ERC2: variants seen among roughly 807,000 people sequenced by gnomAD.
ERC2 encodes the protein ELKS/RAB6-interacting/CAST family member 2, also known as ERC protein 2.
ERC2 carries 42 observed loss-of-function variants against 114.8 expected under a neutral mutation model. The observed-to-expected ratio is 0.37, with a 90% CI of 0.29 to 0.47. The LOEUF (loss-of-function observed/expected upper bound fraction) is 0.47. ERC2 is among the 20% of genes least tolerant of loss of function. ERC2 has a pLI of 0.99. For missense variants in ERC2, 939 were observed against 1,150.7 expected (o/e 0.82, Z 2.66); for synonymous variants, 454 against 425.5 (o/e 1.07, Z -0.82).
chr3:56,152,590 C>G (rs989097888), intron 4 of ERC2, among the ~76,000 whole-genome samples: 1 of 152,056 alleles, frequency 6.6e-6, no homozygotes, highest in African/African-American at 2.4e-5. Flanking sequence ...AGTTTTCAAA[C>G]AGTCTCGAGA....
At chr3:55,540,166 G>T (rs141180044) in intron 17 of ERC2, among the ~76,000 whole-genome samples, 1 of 152,182 alleles carries the variant, frequency 6.6e-6, no homozygotes, top group Non-Finnish European at 1.5e-5. Context: ...CCCTACCTGA[G>T]GTTATATCCT....
chr3:55,994,957 G>T (rs145092703), intron 10 of ERC2, among the ~76,000 whole-genome samples: 1 of 152,212 alleles, frequency 6.6e-6, no homozygotes, highest in Non-Finnish European at 1.5e-5. Flanking sequence ...TCATTAGAAT[G>T]AAGACCAGAG....
intron 3 of ERC2, among the ~76,000 whole-genome samples, chr3:56,240,878 A>G (rs2150203446): frequency 6.6e-6 from 1 of 152,326 alleles, no homozygotes; most frequent in Non-Finnish European, 1.5e-5. Context: ...TTACGTGGAT[A>G]TATCGTGTGA....
At chr3:56,138,051 CTTTTTTTTTTTTTTTT>C (rs920983143) in intron 6 of ERC2, among the ~76,000 whole-genome samples, 3 of 92,632 alleles carry the variant, frequency 3.2e-5, no homozygotes, top group African/African-American at 8.0e-5. Context: ...AATGGTATTT[CTTTTTTTTTTTTTTTT>C]TTTTTTTTTT....
chr3:56,353,390 C>G (rs758616036), intron 2 of ERC2, among the ~76,000 whole-genome samples: 4 of 151,918 alleles, frequency 2.6e-5, no homozygotes, highest in Non-Finnish European at 4.4e-5. Context: ...AAATATCCCC[C>G]AAAAGGAACC....
chr3:56,123,282 G>A (rs1039137086), intron 6 of ERC2, among the ~76,000 whole-genome samples: 11 of 152,028 alleles, frequency 7.2e-5, no homozygotes, highest in African/African-American at 2.7e-4. Context: ...CTCATGACTG[G>A]GATTCATACT....
chr3:56,066,582 G>T (rs2076493052), intron 7 of ERC2, among the ~76,000 whole-genome samples: 1 of 152,070 alleles, frequency 6.6e-6, no homozygotes, highest in South Asian at 2.1e-4. Context: ...GTCAATTTTT[G>T]CTTTGTTGCA....
rs1453000322 is a variant in ERC2 at position 55,542,921 on chromosome 3, C to T, written c.*40-31645G>A. Among the ~76,000 whole-genome samples, 4 of 152,184 alleles carry T rather than the reference C, an allele frequency of 2.6e-5. No homozygotes were observed. In the South Asian group the frequency reaches 6.2e-4, roughly 24 times the overall value. ...CAGAAAGGTTCAGGTCTTCCTAAAA[C>T]AACCACTCTCAGCTTCTACCCCTTA... On this transcript the variant is annotated intron_variant, in intron 17 of 17. Transcript: ENST00000288221.
chr3:56,440,732 C>T (rs1363657460), intron 1 of ERC2, among the ~76,000 whole-genome samples: 1 of 151,980 alleles, frequency 6.6e-6, no homozygotes. Context: ...TTAGACAAAG[C>T]CAGACAATAT....
Position 56,235,360 on chromosome 3 carries a change from T to C in ERC2, c.1074+60659A>G, listed in dbSNP as rs557188546. ...TAATAGTGATATTTGCTACTTGCCA[T>C]GTAGAACTCAGAGTGAAGTCACAAA... On this transcript the variant is annotated intron_variant, in intron 3 of 17. Transcript: ENST00000288221. Among the ~76,000 whole-genome samples, 3 of 152,342 alleles carry C rather than the reference T, an allele frequency of 2.0e-5. No homozygotes were observed. In the South Asian group the frequency reaches 6.2e-4, roughly 32 times the overall value.
intron 3 of ERC2, among the ~76,000 whole-genome samples, chr3:56,174,202 T>A (rs2082842502): frequency 6.6e-6 from 1 of 152,230 alleles, no homozygotes; most frequent in Non-Finnish European, 1.5e-5. Context: ...GGAACGATGA[T>A]GAACATTTCT....
At chr3:55,749,912 C>T (rs1266578987) in intron 14 of ERC2, among the ~76,000 whole-genome samples, 1 of 152,170 alleles carries the variant, frequency 6.6e-6, no homozygotes, top group Non-Finnish European at 1.5e-5. Flanking sequence ...ACCACGAACC[C>T]ACCAGCAGGA....
rs75581358 is a variant in ERC2, at chr3:55,932,376, A to G, written c.2403+18049T>C. Among the ~76,000 whole-genome samples the G allele has an allele frequency of 7.3e-3, 1,119 of 152,302 alleles. 10 individuals carry two copies. The highest frequency in any genetic ancestry group is 0.026 in the African/African-American group (1,071 of 41,576). ...TATTGCTATTGCTTGCCTGGGGCTA[A>G]GTATTTAATGCACTTCATCAAATTT... On this transcript the variant is annotated intron_variant, in intron 13 of 17. Transcript: ENST00000288221.
intron 13 of ERC2, among the ~76,000 whole-genome samples, chr3:55,943,819 C>T (rs1241250259): frequency 6.6e-6 from 1 of 152,132 alleles, no homozygotes. Flanking sequence ...CCAAGCTTCA[C>T]CTCAAAATAA....
rs34468467 is a variant in ERC2 at position 55,883,539 on chromosome 3, T to TACACAC, written c.2564+4844_2564+4849dup. 4.4e-3 allele frequency among the ~76,000 whole-genome samples: 627 copies of TACACAC among 143,962 alleles called. 3 individuals carry two copies. The highest frequency in any genetic ancestry group is 0.01 in the East Asian group (50 of 4,828). The allele number at this position is 143,962 out of a possible 152,430, so 94.4% of individuals were successfully genotyped here. A position where few individuals can be genotyped will look rare whatever the true frequency, so the allele number is the denominator to read the frequency against. On this transcript the variant is annotated intron_variant, in intron 14 of 17. Transcript: ENST00000288221. ...TAATAAAAGTGGATATAATTAAACA[T>TACACAC]ACACACACACACACACACACACACA...
chr3:55,908,653 G>A (rs781158425), intron 13 of ERC2, among the ~76,000 whole-genome samples: 2 of 152,080 alleles, frequency 1.3e-5, no homozygotes, highest in Admixed American at 6.5e-5. Flanking sequence ...TCTTTGGGAC[G>A]CAGTTTTCCT....
chr3:55,572,798 A>G (rs2056788271), intron 17 of ERC2, among the ~76,000 whole-genome samples: 2 of 152,200 alleles, frequency 1.3e-5, no homozygotes, highest in African/African-American at 2.4e-5. Flanking sequence ...GGTGACCTCT[A>G]GGGTTCTCAG....
At chr3:55,611,518 T>C (rs2058907716) in intron 17 of ERC2, among the ~76,000 whole-genome samples, 1 of 152,208 alleles carries the variant, frequency 6.6e-6, no homozygotes, top group South Asian at 2.1e-4. Context: ...ATTTGGATTC[T>C]AGCAGTTTCT....
chr3:55,856,167 G>A (rs2061775011), intron 14 of ERC2, among the ~76,000 whole-genome samples: 1 of 152,186 alleles, frequency 6.6e-6, no homozygotes, highest in Non-Finnish European at 1.5e-5. Context: ...CAGGCCTGTG[G>A]TTGGTTAAGT....
Sources: gnomAD v4.1 joint callset for allele counts (sites outside exome capture counted in the v4.1 genomes callset) on GRCh38, gnomAD v4.1.1 for gene constraint, MANE v1.5 for transcripts, NCBI Gene and HGNC (gene_info 2026-07-23, HGNC 2026-07-21) for gene names.